Variants in RBBP8 observed in about 807,000 individuals in gnomAD.
The protein encoded by RBBP8 is DNA endonuclease RBBP8.
RBBP8 carries 88 observed loss-of-function variants against 108.3 expected under a neutral mutation model. The ratio of observed to expected loss-of-function variants is 0.81; its 90% confidence interval spans 0.68 to 0.97. The LOEUF is 0.97. Ranked by LOEUF, RBBP8 falls within the 50% of genes least tolerant of loss-of-function variation. The pLI, the probability that RBBP8 is intolerant of heterozygous loss-of-function variation, is 0.00. For missense variants in RBBP8, 1,023 were observed against 1,049.0 expected, an observed-to-expected ratio of 0.98 and a Z score of 0.34; for synonymous variants, 332 against 348.2, an observed-to-expected ratio of 0.95 and a Z score of 0.52.
chr18:22,951,661 CTG>C (rs935458243), intron 4 of RBBP8, among the ~76,000 whole-genome samples: 38 of 152,218 alleles, frequency 2.5e-4, no homozygotes, highest in African/African-American at 8.4e-4. Flanking sequence ...GTCCCCATGA[CTG>C]TGTCCTTCCC....
intron 2 of RBBP8, among the ~76,000 whole-genome samples, chr18:22,942,219 AT>A (rs1250253284): frequency 6.6e-6 from 1 of 152,118 alleles, no homozygotes; most frequent in African/African-American, 2.4e-5. Context: ...TCAGTAAAAA[AT>A]AAAAGAGAAA....
intron 2 of RBBP8, among the ~76,000 whole-genome samples, chr18:22,940,989 A>G (rs1435051653): frequency 1.3e-5 from 2 of 151,936 alleles, no homozygotes; most frequent in East Asian, 3.9e-4. Flanking sequence ...TTGTCATTGT[A>G]CAAGTTTTTT....
chr18:22,993,538 AAT>A lies in RBBP8; in HGVS notation c.1713_1714del (p.Asn571LysfsTer14). On this transcript the variant is annotated frameshift_variant, in exon 11 of 19. Coordinates refer to ENST00000327155, the MANE Select transcript of RBBP8 (RefSeq NM_002894.3). LOFTEE classifies it high-confidence loss of function. ...LQPLNKCSPDNKPSLQIKEEN... is the reference protein window; with the variant it reads ...LQPLNKCSPDXKPSLQIKEEN... Reference sequence around the variant, plus strand: ...GCCCTTGAATAAATGCTCTCCAGACAATAAACCATCATTACAAATAAAAGAAG... The same window carrying A: ...GCCCTTGAATAAATGCTCTCCAGACAAAACCATCATTACAAATAAAAGAAG... 3 of 1,613,534 alleles carry A rather than the reference AAT, an allele frequency of 1.9e-6. No individual in the cohort carries two copies. Among genetic ancestry groups the A allele is most frequent in the Non-Finnish European group, 2.5e-6 (3 of 1,179,894 alleles).
intron 2 of RBBP8, among the ~76,000 whole-genome samples, chr18:22,940,850 G>A (rs911881044): frequency 6.6e-6 from 1 of 151,562 alleles, no homozygotes; most frequent in Non-Finnish European, 1.5e-5. Flanking sequence ...TCATTTTGTT[G>A]CCCAGGCTAG....
intron 3 of RBBP8, among the ~76,000 whole-genome samples, chr18:22,922,817 T>C (rs1378396124): frequency 6.6e-6 from 1 of 152,164 alleles, no homozygotes; most frequent in African/African-American, 2.4e-5. Context: ...GAGATTAGTT[T>C]CTCCTTTCTA....
At chr18:22,975,878 C>T (rs1914460608) in intron 6 of RBBP8, among the ~76,000 whole-genome samples, 1 of 152,000 alleles carries the variant, frequency 6.6e-6, no homozygotes, top group African/African-American at 2.4e-5. Flanking sequence ...TTTCCATTAT[C>T]CAACACTGTC....
chr18:22,945,323 T>A (rs549604648), intron 2 of RBBP8, among the ~76,000 whole-genome samples: 1 of 152,112 alleles, frequency 6.6e-6, no homozygotes, highest in Non-Finnish European at 1.5e-5. Context: ...AATTTTCTAG[T>A]TTTTTACTAT....
At chr18:22,934,414 T>G (rs2144379359) in intron 1 of RBBP8, 1 of 152,364 alleles carries the variant, frequency 6.6e-6, no homozygotes, top group South Asian at 2.1e-4. Flanking sequence ...GTTAATACTT[T>G]TTCGGTCATT....
At chr18:22,944,314 T>A (rs1175753173) in intron 2 of RBBP8, among the ~76,000 whole-genome samples, 1 of 152,262 alleles carries the variant, frequency 6.6e-6, no homozygotes, top group Non-Finnish European at 1.5e-5. Context: ...AAGGATTTTC[T>A]TTTGAAGTTT....
chr18:23,007,751 C>T (rs1195376958), intron 16 of RBBP8, among the ~76,000 whole-genome samples: 1 of 148,696 alleles, frequency 6.7e-6, no homozygotes, highest in Admixed American at 6.7e-5. Flanking sequence ...TATTATGCTT[C>T]AGAATTATTT....
chr18:23,022,656 A>AATACAAT (rs1555650139), intron 18 of RBBP8, among the ~76,000 whole-genome samples: 3 of 72,380 alleles, frequency 4.1e-5, no homozygotes, highest in African/African-American at 1.0e-4. Flanking sequence ...TACAATATAA[A>AATACAAT]ATAAAATAAA....
chr18:23,011,480 A>C (rs559051528), intron 16 of RBBP8, among the ~76,000 whole-genome samples: 1 of 139,276 alleles, frequency 7.2e-6, no homozygotes, highest in East Asian at 2.1e-4. Flanking sequence ...CTCTGTCGCC[A>C]GGCTGGAGTG....
chr18:22,962,587 C>T (rs1913194182), intron 4 of RBBP8, among the ~76,000 whole-genome samples: 1 of 151,698 alleles, frequency 6.6e-6, no homozygotes, highest in Non-Finnish European at 1.5e-5. Flanking sequence ...GAGTCTCACT[C>T]ACTCTGTCGC....
chr18:22,927,707 T>G (rs1909844240), intron 3 of RBBP8, among the ~76,000 whole-genome samples: 1 of 152,162 alleles, frequency 6.6e-6, no homozygotes, highest in Admixed American at 6.6e-5. Context: ...TATATTAAGT[T>G]AATTTCACCT....
intron 3 of RBBP8, among the ~76,000 whole-genome samples, chr18:22,924,566 C>T (rs931242433): frequency 2.6e-5 from 4 of 152,156 alleles, no homozygotes; most frequent in Non-Finnish European, 4.4e-5. Context: ...GGACCACAGG[C>T]ATACACACCG....
chr18:23,018,643 G>T (rs894077503), intron 17 of RBBP8, among the ~76,000 whole-genome samples: 1 of 152,106 alleles, frequency 6.6e-6, no homozygotes, highest in Non-Finnish European at 1.5e-5. Context: ...GTAAATAGTT[G>T]TTATACTGTA....
chr18:22,927,563 G>A (rs1909836817), intron 3 of RBBP8, among the ~76,000 whole-genome samples: 1 of 152,120 alleles, frequency 6.6e-6, no homozygotes. Flanking sequence ...TCTAAACTGA[G>A]ATGTGCTGTA....
chr18:22,949,519 T>G, intron 3 of RBBP8, 99 bp from the exon 4 acceptor site: 2 of 882,624 alleles, frequency 2.3e-6, no homozygotes, highest in Non-Finnish European at 3.7e-6. Context: ...TGTTTTGTTT[T>G]GGTACAAGAA....
intron 16 of RBBP8, among the ~76,000 whole-genome samples, chr18:23,007,440 C>A (rs192247348): frequency 6.6e-6 from 1 of 151,744 alleles, no homozygotes; most frequent in African/African-American, 2.4e-5. Context: ...CATGGTGGCT[C>A]ACGCTTGTAA....
Sources: gnomAD v4.1 joint callset for allele counts (sites outside exome capture counted in the v4.1 genomes callset) on GRCh38, gnomAD v4.1.1 for gene constraint, MANE v1.5 for transcripts, NCBI Gene and HGNC (gene_info 2026-07-23, HGNC 2026-07-21) for gene names.